Variants in KPNA7 observed in about 807,000 individuals in gnomAD.
The protein encoded by KPNA7 is importin subunit alpha-8.
Under a neutral mutation model 53.7 loss-of-function variants are expected in KPNA7, and 54 were observed. The observed-to-expected ratio is 1.01, with a 90% CI of 0.81 to 1.26. KPNA7 has a LOEUF of 1.26. Among genes scored for constraint, KPNA7 ranks in the 50% most tolerant of loss-of-function variants. The probability of loss-of-function intolerance (pLI) is 0.00; values close to 1 mark genes in which losing one functional copy is unlikely to be tolerated. For synonymous variants in KPNA7, 276 were observed against 259.3 expected, an observed-to-expected ratio of 1.06 and a Z score of -0.62; for missense variants, 640 against 644.5, an observed-to-expected ratio of 0.99 and a Z score of 0.07.
At chr7:99,183,047 G>A (rs1347551403) in intron 8 of KPNA7, among the ~76,000 whole-genome samples, 2 of 152,152 alleles carry the variant, frequency 1.3e-5, no homozygotes, top group Admixed American at 6.6e-5. Flanking sequence ...CCTGAGCTCA[G>A]GTGTTAGAGA....
At chr7:99,177,783 AGAGGATGTGGCAG>A in intron 10 of KPNA7, 124 bp downstream of exon 10, 1 of 787,054 alleles carries the variant, frequency 1.3e-6, no homozygotes, top group Non-Finnish European at 2.0e-6. Context: ...CATTAACTTC[AGAGGATGTGGCAG>A]GAGTGAAGAC....
At chr7:99,170,509 TTTTC>T (rs1182756375), downstream of KPNA7, among the ~76,000 whole-genome samples, 1 of 152,122 alleles carries the variant, frequency 6.6e-6, no homozygotes, top group African/African-American at 2.4e-5. Flanking sequence ...AATTCTATTT[TTTTC>T]TTTTTCTTTT....
intron 2 of KPNA7, among the ~76,000 whole-genome samples, chr7:99,205,669 G>A (rs1584316250): frequency 6.6e-6 from 1 of 152,206 alleles, no homozygotes; most frequent in East Asian, 1.9e-4. Flanking sequence ...GGCCAACATG[G>A]CAAAACCCTG....
chr7:99,212,686 T>C (rs2150787683), upstream of KPNA7, among the ~76,000 whole-genome samples: 1 of 151,968 alleles, frequency 6.6e-6, no homozygotes, highest in East Asian at 1.9e-4. Flanking sequence ...AGGCAGGAGT[T>C]TGAGACCAGC....
chr7:99,156,938 C>CT, the KPNA7 span, among the ~76,000 whole-genome samples: 74,859 of 150,742 alleles, frequency 0.5, 21,467 homozygotes, highest in East Asian at 0.65. Context: ...CCTGAATTGA[C>CT]TTTTTTTCTT....
At chr7:99,165,439 C>T in the KPNA7 span, among the ~76,000 whole-genome samples, 2 of 152,114 alleles carry the variant, frequency 1.3e-5, no homozygotes, top group East Asian at 1.9e-4. Context: ...CACAGCCCCT[C>T]GAGGAGCACC....
the KPNA7 span, among the ~76,000 whole-genome samples, chr7:99,167,271 C>T: frequency 5.9e-5 from 9 of 152,198 alleles, no homozygotes; most frequent in Non-Finnish European, 1.3e-4. Flanking sequence ...TCAGGGCCAG[C>T]CTTGCCTTAG....
At chr7:99,195,922 T>C (rs1302153408) in intron 4 of KPNA7, among the ~76,000 whole-genome samples, 162 bp downstream of exon 4, 1 of 152,220 alleles carries the variant, frequency 6.6e-6, no homozygotes, top group Non-Finnish European at 1.5e-5. Flanking sequence ...TCAAGGACAG[T>C]GTAGAATAGC....
chr7:99,181,947 A>G lies in KPNA7; in HGVS notation c.1253T>C (p.Leu418Pro), dbSNP rs2150716399. The change falls in exon 9 of 11, where the codon CTG (leucine) becomes CCG (proline). Residue 418 changes from leucine to proline, a missense_variant. By Grantham distance (98) the Leu-to-Pro change is moderately conservative. Coordinates refer to ENST00000327442, the MANE Select transcript of KPNA7 (RefSeq NM_001145715.3). Reference protein sequence around the residue: ...HSGVLEPLVNLLTAPDVKIVL... With the variant: ...HSGVLEPLVNPLTAPDVKIVL... ...AATTTTAACATCTGGGGCAGTGAGC[A>G]GATTCACCAGTGGCTCCAGGACCCC... is the stretch of plus-strand genomic sequence containing the variant. 1 of 1,551,522 alleles carries G rather than the reference A, an allele frequency of 6.4e-7. No individual in the cohort carries two copies. Among genetic ancestry groups the G allele is most frequent in the Admixed American group, 2.0e-5 (1 of 50,994 alleles).
At chr7:99,194,003 C>A (rs748292951) in intron 5 of KPNA7, among the ~76,000 whole-genome samples, 3 of 152,126 alleles carry the variant, frequency 2.0e-5, no homozygotes, top group Non-Finnish European at 4.4e-5. Context: ...TTTCTTTTAG[C>A]AGTTATTTTA....
At position 99,207,504 on chromosome 7, in the gene KPNA7, G is replaced by A; in HGVS notation, c.-23-15C>T. ...TAGTAAGTTACCTGCAGGTTGGACA[G>A]CAACAAAGAAATTTTCAGTGCCCAT... On this transcript the variant is annotated splice_polypyrimidine_tract_variant and intron_variant, in intron 1 of 10. Transcript: ENST00000327442. The A allele has an allele frequency of 3.5e-6, 5 of 1,436,918 alleles. No homozygotes were observed. Among genetic ancestry groups the A allele is most frequent in the Non-Finnish European group, 4.8e-6 (5 of 1,047,292 alleles). 89.0% of individuals were successfully genotyped at this position (1,436,918 alleles called of 1,614,324 possible).
At chr7:99,178,164 G>C (rs1006201463) in intron 9 of KPNA7, 98 bp from the exon 10 acceptor site, 4 of 1,035,322 alleles carry the variant, frequency 3.9e-6, no homozygotes, top group African/African-American at 3.2e-5. Context: ...AGTGGAAGCA[G>C]ACCAAAGGCT....
rs747126513 is a variant in KPNA7, at chr7:99,184,905, A to G, written c.1134+24T>C. 6.7e-5 allele frequency: 103 copies of G among 1,539,852 alleles called. No individual in the cohort carries two copies. The East Asian group carries it at 2.4e-3, about 35-fold the overall frequency. ...GGCTATTGGAAAGTAGTCCTTTGCC[A>G]TGGTTGCTGTGTGCGCCACTTACGT... On this transcript the variant is annotated intron_variant, in intron 8 of 10. Transcript: ENST00000327442.
chr7:99,166,611 G>A, the KPNA7 span, among the ~76,000 whole-genome samples: 101 of 150,098 alleles, frequency 6.7e-4, no homozygotes, highest in Non-Finnish European at 9.0e-4. Context: ...CACCGTGCCC[G>A]GCCTTTCTAT....
chr7:99,197,808 G>A (rs1043307098), intron 3 of KPNA7, among the ~76,000 whole-genome samples: 4 of 152,158 alleles, frequency 2.6e-5, no homozygotes, highest in Admixed American at 6.6e-5. Context: ...AAGAGAGACT[G>A]AAGATGAAAA....
chr7:99,188,195 A>AT, intron 7 of KPNA7, 105 bp downstream of exon 7: 55 of 637,892 alleles, frequency 8.6e-5, no homozygotes, highest in Non-Finnish European at 1.3e-4. Flanking sequence ...AAAAAAAAAA[A>AT]AAAGCAAAGA....
intron 8 of KPNA7, among the ~76,000 whole-genome samples, chr7:99,183,603 T>TA (rs1181303694): frequency 6.6e-6 from 1 of 152,158 alleles, no homozygotes; most frequent in East Asian, 1.9e-4. Flanking sequence ...CTCTCTTGCC[T>TA]AGCTTGTCAT....
chr7:99,200,899 C>G (rs1012311076), intron 3 of KPNA7, among the ~76,000 whole-genome samples: 2 of 151,848 alleles, frequency 1.3e-5, no homozygotes, highest in Non-Finnish European at 2.9e-5. Context: ...TCCCGGGAGA[C>G]AAAAGTTGCA....
At chr7:99,187,074 G>GTCAA (rs1271208156) in intron 7 of KPNA7, among the ~76,000 whole-genome samples, 1 of 151,990 alleles carries the variant, frequency 6.6e-6, no homozygotes, top group African/African-American at 2.4e-5. Flanking sequence ...ATCACCTGAG[G>GTCAA]TCAAGAGTTC....
Sources: gnomAD v4.1 joint callset for allele counts (sites outside exome capture counted in the v4.1 genomes callset) on GRCh38, gnomAD v4.1.1 for gene constraint, MANE v1.5 for transcripts, NCBI Gene and HGNC (gene_info 2026-07-23, HGNC 2026-07-21) for gene names.